The following SLC10A1 variants were observed in gnomAD, a reference collection of about 807,000 sequenced individuals.
SLC10A1 encodes hepatic sodium/bile acid cotransporter.
SLC10A1 carries 36 observed loss-of-function variants against 20.5 expected under a neutral mutation model. That is an observed-to-expected ratio of 1.75 (90% CI 1.34 to 2.32). The LOEUF is 2.32. Among genes scored for constraint, SLC10A1 ranks in the 30% most tolerant of loss-of-function variants. The probability of loss-of-function intolerance (pLI) is 0.00; values close to 1 mark genes in which losing one functional copy is unlikely to be tolerated. For missense variants in SLC10A1, 545 were observed against 439.1 expected, an observed-to-expected ratio of 1.24 and a Z score of -2.16; for synonymous variants, 188 against 163.6, an observed-to-expected ratio of 1.15 and a Z score of -1.14.
intron 4 of SLC10A1, among the ~76,000 whole-genome samples, chr14:69,777,826 A>C (rs1356370390): frequency 1.3e-5 from 2 of 150,308 alleles, no homozygotes; most frequent in African/African-American, 4.9e-5. Context: ...GCGTAACTAG[A>C]GTTGAGGAAT....
At position 69,779,232 on chromosome 14, in the gene SLC10A1, A is replaced by G. The variant is rs779992719; in HGVS notation, c.696T>C (p.Ile232=). The G allele has an allele frequency of 6.2e-7, 1 of 1,613,874 alleles. No individual in the cohort carries two copies. The highest frequency in any genetic ancestry group is 8.5e-7 in the Non-Finnish European group (1 of 1,179,976). ...LIATSSLMPF[I]GFLLGYVLSA... ...AGAGAACATAACCCAGCAGAAAGCC[A>G]ATAAAAGGCATCAGGGAGGAGGTGG... Residue 232 remains isoleucine, a synonymous_variant, in exon 3 of 5, where the codon ATT becomes ATC. Transcript: ENST00000216540.
chr14:69,782,820 A>G (rs1883626586), intron 2 of SLC10A1, among the ~76,000 whole-genome samples: 1 of 152,040 alleles, frequency 6.6e-6, no homozygotes, highest in Non-Finnish European at 1.5e-5. Flanking sequence ...AAAAAAAAAA[A>G]AAAAAGGGTC....
chr14:69,778,283 A>T (rs200641056), intron 4 of SLC10A1, 50 bp downstream of exon 4: 45 of 1,451,682 alleles, frequency 3.1e-5, no homozygotes, highest in Middle Eastern at 1.8e-4. Context: ...TGGCAGGCTC[A>T]GGTCTAATAT....
At chr14:69,779,107 G>A in intron 3 of SLC10A1, 75 bp downstream of exon 3, 1 of 1,138,412 alleles carries the variant, frequency 8.8e-7, no homozygotes, top group African/African-American at 1.6e-5. Context: ...GCTGCAGTGA[G>A]CTGAGAATGT....
At chr14:69,778,706 A>G (rs1300886741) in intron 3 of SLC10A1, among the ~76,000 whole-genome samples, 177 bp from the exon 4 acceptor site, 5 of 152,148 alleles carry the variant, frequency 3.3e-5, no homozygotes, top group Admixed American at 2.6e-4. Context: ...AACCCGTTCA[A>G]TACCTTCATT....
intron 4 of SLC10A1, among the ~76,000 whole-genome samples, chr14:69,777,501 T>TG (rs1566633892): frequency 1.3e-5 from 2 of 151,722 alleles, no homozygotes. Flanking sequence ...TTGAAGGATT[T>TG]GGGTAGGTAC....
chr14:69,778,558 ACT>A, intron 3 of SLC10A1, 29 bp from the exon 4 acceptor site: 1 of 1,553,360 alleles, frequency 6.4e-7, no homozygotes, highest in South Asian at 1.2e-5. Flanking sequence ...CCCCACATAC[ACT>A]CAGAGGGAAC....
chr14:69,778,331 A>G lies in SLC10A1; in HGVS notation c.943+2T>C, dbSNP rs773488386. 1.0e-5 allele frequency: 16 copies of G among 1,589,494 alleles called. No individual in the cohort carries two copies. In the South Asian group the frequency reaches 1.6e-4, roughly 16 times the overall value. ...TGAAGTGGGGATAATTTCAGTACTC[A>G]CCCTTGGGAGTCTTGAATTTCTCAT... On this transcript the variant is annotated splice_donor_variant, in intron 4 of 4. Transcript: ENST00000216540. LOFTEE classifies it high-confidence loss of function.
intron 1 of SLC10A1, among the ~76,000 whole-genome samples, chr14:69,792,595 A>T (rs1475586094): frequency 6.6e-6 from 1 of 152,188 alleles, no homozygotes; most frequent in Non-Finnish European, 1.5e-5. Context: ...CTGCTAGGGA[A>T]CGTGTGAAGT....
At chr14:69,787,361 G>A (rs1448298814) in intron 1 of SLC10A1, among the ~76,000 whole-genome samples, 2 of 152,176 alleles carry the variant, frequency 1.3e-5, no homozygotes, top group African/African-American at 4.8e-5. Context: ...CATCTCCTTA[G>A]ATTTATGGAC....
Position 69,778,606 on chromosome 14 carries a change from A to G in SLC10A1, c.747-77T>C, listed in dbSNP as rs565189992. ...AACTTTGTCCCAGTGCTGCTACCAA[A>G]GAGTTTCGCAGCAGATGGAATCTAG... On this transcript the variant is annotated intron_variant, in intron 3 of 4. Transcript: ENST00000216540. The G allele has an allele frequency of 4.0e-6, 5 of 1,252,856 alleles. No individual in the cohort carries two copies. In the African/African-American group the frequency reaches 7.5e-5, roughly 19 times the overall value. 77.6% of individuals were successfully genotyped at this position (1,252,856 alleles called of 1,614,324 possible). A position where few individuals can be genotyped will look rare whatever the true frequency, so the allele number is the denominator to read the frequency against.
chr14:69,796,942 T>C lies in SLC10A1; in HGVS notation c.214A>G (p.Met72Val). Residue 72 changes from methionine to valine, a missense_variant, in exon 1 of 5, where the codon ATG becomes GTG. Physicochemically the swap from Met to Val is conservative, Grantham distance 21. Transcript: ENST00000216540. Reference protein sequence around the residue: ...AIALVAQYGIMPLTAFVLGKV... With the variant: ...AIALVAQYGIVPLTAFVLGKV... The stretch of plus-strand genomic sequence containing the variant: ...CCCAGCACAAAGGCCGTGAGGGGCA[T>C]GATGCCATACTGTGCCACCAGGGCG... 6.2e-7 allele frequency: 1 copy of C among 1,614,174 alleles called. No homozygotes were observed.
At chr14:69,782,525 C>T (rs1044666082) in intron 2 of SLC10A1, among the ~76,000 whole-genome samples, 6 of 152,122 alleles carry the variant, frequency 3.9e-5, no homozygotes, top group African/African-American at 9.7e-5. Context: ...CTGAGATTCT[C>T]GGCAAGGTGT....
At chr14:69,777,580 T>G (rs984872932) in intron 4 of SLC10A1, among the ~76,000 whole-genome samples, 1 of 80,268 alleles carries the variant, frequency 1.2e-5, no homozygotes, top group Non-Finnish European at 2.2e-5. Context: ...AATGTCCTGT[T>G]TTTTTTTTTT....
In SLC10A1 at chr14:69,778,470, A is replaced by G. The variant is rs201672997; in HGVS notation, c.806T>C (p.Ile269Thr). 1.9e-6 allele frequency: 3 copies of G among 1,613,856 alleles called. No homozygotes were observed. Among genetic ancestry groups the G allele is most frequent in the African/African-American group, 1.3e-5 (1 of 75,048 alleles). Residue 269 changes from isoleucine (I) to threonine (T), a missense_variant, in exon 4 of 5, where the codon ATC becomes ACC. By Grantham distance (89) the Ile-to-Thr change is moderately conservative. Coordinates refer to ENST00000216540, the MANE Select transcript of SLC10A1 (RefSeq NM_003049.4). ...GCQNVQLCSTILNVAFPPEVI... is the reference protein window; with the variant it reads ...GCQNVQLCSTTLNVAFPPEVI... ...TTCAGGTGGAAAGGCCACATTGAGG[A>G]TGGTGGAACAGAGTTGGACATTTTG... is the stretch of plus-strand genomic sequence containing the variant.
rs1594759087 is a variant in SLC10A1, at chr14:69,776,041, A to G, written c.*241T>C. ...GCAGATTCGGTTTCTGGTTTCATAGAGTTTACAGTCACTGAACAAGTCTTT... is the reference window on the plus strand; with the variant it reads ...GCAGATTCGGTTTCTGGTTTCATAGGGTTTACAGTCACTGAACAAGTCTTT... On this transcript the variant is annotated 3_prime_UTR_variant, in exon 5 of 5. Coordinates refer to ENST00000216540, the MANE Select transcript of SLC10A1 (RefSeq NM_003049.4). 6.0e-6 allele frequency: 3 copies of G among 500,428 alleles called. No individual in the cohort carries two copies. The East Asian group carries it at 1.0e-4, about 17-fold the overall frequency. The allele number at this position is 500,428 out of a possible 1,614,324, so 31.0% of individuals were successfully genotyped here. A position where few individuals can be genotyped will look rare whatever the true frequency, so the allele number is the denominator to read the frequency against.
intron 1 of SLC10A1, among the ~76,000 whole-genome samples, chr14:69,792,942 C>T (rs766821223): frequency 4.6e-5 from 7 of 151,496 alleles, no homozygotes; most frequent in Non-Finnish European, 8.8e-5. Context: ...TGAATATATA[C>T]GTATATAATA....
chr14:69,791,953 A>ATTT (rs1233147956), intron 1 of SLC10A1, among the ~76,000 whole-genome samples: 2 of 144,638 alleles, frequency 1.4e-5, no homozygotes, highest in Non-Finnish European at 1.5e-5. Flanking sequence ...TAGACAGTAA[A>ATTT]TTTTTTTTTT....
chr14:69,794,625 G>T (rs1882351174), intron 1 of SLC10A1, among the ~76,000 whole-genome samples: 1 of 152,108 alleles, frequency 6.6e-6, no homozygotes, highest in Admixed American at 6.5e-5. Context: ...ATTGGAATGG[G>T]ATTTGAAGTC....
Sources: gnomAD v4.1 joint callset for allele counts (sites outside exome capture counted in the v4.1 genomes callset) on GRCh38, gnomAD v4.1.1 for gene constraint, MANE v1.5 for transcripts, NCBI Gene and HGNC (gene_info 2026-07-23, HGNC 2026-07-21) for gene names.